The following GAP43 variants were observed in gnomAD, a reference collection of about 807,000 sequenced individuals.
GAP43 encodes growth associated protein 43.
A neutral mutation model predicts 18.6 loss-of-function variants in GAP43; 6 were observed. That is an observed-to-expected ratio of 0.32 (90% CI 0.18 to 0.64). GAP43 has a LOEUF of 0.64. Ranked by LOEUF, GAP43 falls within the 30% of genes least tolerant of loss-of-function variation. The pLI, the probability that GAP43 is intolerant of heterozygous loss-of-function variation, is 0.78. For synonymous variants in GAP43, 115 were observed against 111.4 expected (o/e 1.03, Z -0.20); for missense variants, 292 against 295.5 (o/e 0.99, Z 0.09).
intron 2 of GAP43, among the ~76,000 whole-genome samples, chr3:115,681,122 CTCT>C (rs1708953246): frequency 6.6e-6 from 1 of 152,154 alleles, no homozygotes; most frequent in Non-Finnish European, 1.5e-5. Flanking sequence ...AGTGGTATAC[CTCT>C]TAAATACTGT....
intron 2 of GAP43, among the ~76,000 whole-genome samples, chr3:115,714,964 C>A (rs2118686): frequency 0.22 from 32,696 of 151,980 alleles, 4,067 homozygotes; most frequent in Admixed American, 0.32. Context: ...AAACAACAGA[C>A]AAATCCTGGT....
chr3:115,720,350 T>A (rs183565499), intron 2 of GAP43, among the ~76,000 whole-genome samples: 68 of 152,326 alleles, frequency 4.5e-4, no homozygotes, highest in Middle Eastern at 3.4e-3. Context: ...ACTACTTCAC[T>A]TTTCAATACT....
intron 2 of GAP43, among the ~76,000 whole-genome samples, chr3:115,709,957 C>T (rs2107374697): frequency 6.6e-6 from 1 of 152,074 alleles, no homozygotes; most frequent in South Asian, 2.1e-4. Flanking sequence ...TCACGGCACC[C>T]CTAAACCTCT....
chr3:115,666,854 T>C (rs890829387), intron 1 of GAP43, among the ~76,000 whole-genome samples: 1 of 152,216 alleles, frequency 6.6e-6, no homozygotes, highest in Non-Finnish European at 1.5e-5. Context: ...TGGTTCCTCA[T>C]CTGTGTTGAT....
At chr3:115,634,356 G>A (rs1009263417) in intron 1 of GAP43, among the ~76,000 whole-genome samples, 1 of 152,096 alleles carries the variant, frequency 6.6e-6, no homozygotes, top group Non-Finnish European at 1.5e-5. Flanking sequence ...AATATAAGCT[G>A]AGAATTAAAT....
At chr3:115,662,012 G>C (rs2107481332) in intron 1 of GAP43, among the ~76,000 whole-genome samples, 1 of 151,662 alleles carries the variant, frequency 6.6e-6, no homozygotes, top group African/African-American at 2.4e-5. Context: ...GGGGGGAAGG[G>C]GAAGGGCATA....
At chr3:115,657,986 A>C (rs1346145211) in intron 1 of GAP43, among the ~76,000 whole-genome samples, 1 of 152,174 alleles carries the variant, frequency 6.6e-6, no homozygotes, top group Non-Finnish European at 1.5e-5. Context: ...TCTTTTCCAC[A>C]ATGGTGCGGC....
chr3:115,687,465 T>A (rs1229118082), intron 2 of GAP43, among the ~76,000 whole-genome samples: 1 of 152,226 alleles, frequency 6.6e-6, no homozygotes, highest in African/African-American at 2.4e-5. Flanking sequence ...TTAATTTTAG[T>A]TCCACTGGTA....
chr3:115,677,557 A>T (rs1708909037), intron 2 of GAP43, among the ~76,000 whole-genome samples: 1 of 152,220 alleles, frequency 6.6e-6, no homozygotes, highest in African/African-American at 2.4e-5. Flanking sequence ...CCACAGTGGT[A>T]AAGGAGGCCA....
chr3:115,704,699 A>G (rs1356031718), intron 2 of GAP43, among the ~76,000 whole-genome samples: 1 of 152,104 alleles, frequency 6.6e-6, no homozygotes. Context: ...GGACTCTGGG[A>G]AGAGATGCAA....
At chr3:115,623,819 C>T in intron 1 of GAP43, 100 bp downstream of exon 1, 10 of 1,219,998 alleles carry the variant, frequency 8.2e-6, no homozygotes, top group Admixed American at 1.7e-5. Flanking sequence ...CTGCTCTGGC[C>T]GTGGTGCTCG....
At chr3:115,709,168 T>C (rs1709403777) in intron 2 of GAP43, among the ~76,000 whole-genome samples, 4 of 152,178 alleles carry the variant, frequency 2.6e-5, no homozygotes. Flanking sequence ...TTTTGATTAA[T>C]GGGAACCTCT....
chr3:115,664,323 G>A (rs1158360285), intron 1 of GAP43, among the ~76,000 whole-genome samples: 4 of 151,808 alleles, frequency 2.6e-5, no homozygotes, highest in African/African-American at 9.7e-5. Context: ...ACATCCCTCT[G>A]TGGAGCTATA....
intron 1 of GAP43, among the ~76,000 whole-genome samples, chr3:115,656,457 G>T (rs1708585063): frequency 6.6e-6 from 1 of 152,140 alleles, no homozygotes; most frequent in Non-Finnish European, 1.5e-5. Flanking sequence ...CAGCATCTCT[G>T]AAAGTTGAAC....
chr3:115,642,100 G>T (rs995771848), intron 1 of GAP43, among the ~76,000 whole-genome samples: 2 of 151,982 alleles, frequency 1.3e-5, no homozygotes, highest in Non-Finnish European at 2.9e-5. Flanking sequence ...TTTTCAGAGG[G>T]GTGAAAGAAG....
intron 2 of GAP43, among the ~76,000 whole-genome samples, chr3:115,695,947 T>G (rs1709182990): frequency 6.6e-6 from 1 of 152,184 alleles, no homozygotes. Context: ...TACTGGCTAG[T>G]CCCATTCAGT....
At chr3:115,693,273 G>A (rs1454432721) in intron 2 of GAP43, among the ~76,000 whole-genome samples, 1 of 152,154 alleles carries the variant, frequency 6.6e-6, no homozygotes, top group Non-Finnish European at 1.5e-5. Context: ...ACCAAAGGGA[G>A]TAATTGGATT....
chr3:115,627,612 G>A (rs374304907), intron 1 of GAP43, among the ~76,000 whole-genome samples: 3 of 152,154 alleles, frequency 2.0e-5, no homozygotes, highest in South Asian at 2.1e-4. Flanking sequence ...TTAACCAATC[G>A]TATTGATAAA....
intron 2 of GAP43, among the ~76,000 whole-genome samples, chr3:115,683,135 G>A (rs1303570405): frequency 5.1e-4 from 24 of 47,454 alleles, no homozygotes; most frequent in African/African-American, 1.1e-3. Flanking sequence ...GCGCGCGCGT[G>A]CGCGCGCGCG....
Sources: gnomAD v4.1 joint callset for allele counts (sites outside exome capture counted in the v4.1 genomes callset) on GRCh38, gnomAD v4.1.1 for gene constraint, MANE v1.5 for transcripts, NCBI Gene and HGNC (gene_info 2026-07-23, HGNC 2026-07-21) for gene names.